FAR2: variants seen among roughly 807,000 people sequenced by gnomAD.
FAR2 encodes fatty acyl-CoA reductase 2.
Under a neutral mutation model 56.0 loss-of-function variants are expected in FAR2, and 19 were observed. The ratio of observed to expected loss-of-function variants is 0.34; its 90% CI spans 0.24 to 0.50. The LOEUF is 0.50. FAR2 is among the 20% of genes least tolerant of loss of function. The pLI is 0.98. For missense variants in FAR2, 508 were observed against 642.2 expected (o/e 0.79, Z 2.26); for synonymous variants, 219 against 218.8 (o/e 1.00, Z -0.01).
chr12:29,278,117 G>C (rs1948731246), intron 2 of FAR2, among the ~76,000 whole-genome samples: 1 of 151,634 alleles, frequency 6.6e-6, no homozygotes, highest in African/African-American at 2.4e-5. Flanking sequence ...TTTTTGTACA[G>C]ATGGGATCTC....
At chr12:29,259,731 T>C (rs1271772217) in intron 1 of FAR2, among the ~76,000 whole-genome samples, 3 of 152,332 alleles carry the variant, frequency 2.0e-5, no homozygotes, top group Admixed American at 2.0e-4. Context: ...AGCCTGTTCA[T>C]TGCTAACCCC....
intron 1 of FAR2, among the ~76,000 whole-genome samples, chr12:29,158,712 T>A (rs1408393026): frequency 1.3e-5 from 2 of 152,238 alleles, no homozygotes; most frequent in Admixed American, 6.5e-5. Flanking sequence ...TATCACACCA[T>A]CTTGTCTACA....
intron 1 of FAR2, among the ~76,000 whole-genome samples, chr12:29,219,191 C>T (rs1947657121): frequency 6.6e-6 from 1 of 152,028 alleles, no homozygotes; most frequent in Non-Finnish European, 1.5e-5. Context: ...GCCCAGCCCA[C>T]GTTAGAATTC....
intron 1 of FAR2, among the ~76,000 whole-genome samples, chr12:29,238,661 A>C (rs909052731): frequency 5.9e-5 from 9 of 152,196 alleles, no homozygotes; most frequent in Non-Finnish European, 1.3e-4. Flanking sequence ...TACATAAGTA[A>C]AAACCAACAT....
rs572052973 is a variant in FAR2 at position 29,271,006 on chromosome 12, T to C, written c.189+368T>C. Among the ~76,000 whole-genome samples the C allele has an allele frequency of 3.3e-5, 5 of 152,356 alleles. No individual in the cohort carries two copies. The South Asian group carries it at 1.0e-3, about 32-fold the overall frequency. ...ATTTCCTCCCCAAATTTTTTGGATATTCTTCTATTCTGTTCTATTCTATTG... is the reference window on the plus strand; with the variant it reads ...ATTTCCTCCCCAAATTTTTTGGATACTCTTCTATTCTGTTCTATTCTATTG... On this transcript the variant is annotated intron_variant, in intron 2 of 11. Coordinates refer to ENST00000536681, the MANE Select transcript of FAR2 (RefSeq NM_001271783.2).
At chr12:29,215,929 TCTC>T (rs1474990677) in intron 1 of FAR2, among the ~76,000 whole-genome samples, 2 of 152,074 alleles carry the variant, frequency 1.3e-5, no homozygotes, top group South Asian at 2.1e-4. Context: ...TATGAATCCT[TCTC>T]CTCCTAGGGT....
intron 1 of FAR2, among the ~76,000 whole-genome samples, chr12:29,248,396 G>A (rs1020780386): frequency 3.9e-5 from 6 of 152,066 alleles, no homozygotes; most frequent in South Asian, 4.1e-4. Flanking sequence ...GGTAGGTTCC[G>A]TGATGCCCCA....
intron 1 of FAR2, among the ~76,000 whole-genome samples, chr12:29,223,144 C>G (rs986015065): frequency 6.6e-6 from 1 of 152,148 alleles, no homozygotes; most frequent in Non-Finnish European, 1.5e-5. Context: ...TTACTAGCCC[C>G]ATCCCAGGAT....
chr12:29,189,074 T>C (rs1316551175), intron 1 of FAR2, among the ~76,000 whole-genome samples: 1 of 152,166 alleles, frequency 6.6e-6, no homozygotes, highest in Non-Finnish European at 1.5e-5. Flanking sequence ...TATTTTATGC[T>C]TTAGAAGCAG....
chr12:29,310,574 T>C (rs1219096922), intron 6 of FAR2, among the ~76,000 whole-genome samples: 3 of 152,194 alleles, frequency 2.0e-5, no homozygotes, highest in Non-Finnish European at 4.4e-5. Flanking sequence ...TTCTTAAACT[T>C]TTAGTGCCTA....
intron 1 of FAR2, among the ~76,000 whole-genome samples, chr12:29,196,156 C>T (rs1408474344): frequency 6.6e-6 from 1 of 152,098 alleles, no homozygotes. Flanking sequence ...TTGTGATAAA[C>T]ATACAAGTGC....
At chr12:29,165,698 G>A (rs995868237) in intron 1 of FAR2, among the ~76,000 whole-genome samples, 1 of 152,130 alleles carries the variant, frequency 6.6e-6, no homozygotes, top group Non-Finnish European at 1.5e-5. Context: ...AGAACAGAGT[G>A]TCTTTGTTAT....
At chr12:29,153,123 A>G (rs1949694323) in intron 1 of FAR2, among the ~76,000 whole-genome samples, 1 of 152,210 alleles carries the variant, frequency 6.6e-6, no homozygotes, top group South Asian at 2.1e-4. Flanking sequence ...TTGGTGTTGA[A>G]CAAAGCAGAT....
chr12:29,236,089 G>A (rs1198494758), intron 1 of FAR2, among the ~76,000 whole-genome samples: 1 of 151,934 alleles, frequency 6.6e-6, no homozygotes, highest in Admixed American at 6.6e-5. Flanking sequence ...AAGAGGTGAT[G>A]GAAATGCTAA....
Position 29,277,132 on chromosome 12 carries a change from C to T in FAR2, c.189+6494C>T, listed in dbSNP as rs536868601. Among the ~76,000 whole-genome samples the T allele has an allele frequency of 8.5e-5, 13 of 152,214 alleles. No homozygotes were observed. The South Asian group carries it at 2.1e-3, about 24-fold the overall frequency. On this transcript the variant is annotated intron_variant, in intron 2 of 11. Coordinates refer to ENST00000536681, the MANE Select transcript of FAR2 (RefSeq NM_001271783.2). ...AGCTGGGATTACAGGCATCTGCCAC[C>T]GCGCCTGGCTAATTTTTGTAGTTTT... is the stretch of plus-strand genomic sequence containing the variant.
At chr12:29,172,355 G>A (rs999215788) in intron 1 of FAR2, among the ~76,000 whole-genome samples, 11 of 152,114 alleles carry the variant, frequency 7.2e-5, no homozygotes, top group African/African-American at 1.7e-4. Flanking sequence ...TTGCATTTTC[G>A]ACATTAAAGT....
At chr12:29,273,788 A>C (rs1948659547) in intron 2 of FAR2, among the ~76,000 whole-genome samples, 1 of 152,198 alleles carries the variant, frequency 6.6e-6, no homozygotes, top group East Asian at 1.9e-4. Flanking sequence ...TGGGTTCCGG[A>C]GTGGGCTCTT....
At chr12:29,294,937 TTATC>T (rs1949033990) in intron 3 of FAR2, among the ~76,000 whole-genome samples, 1 of 152,212 alleles carries the variant, frequency 6.6e-6, no homozygotes, top group African/African-American at 2.4e-5. Context: ...TTTTTACTCT[TTATC>T]TGATATAAAG....
At chr12:29,170,749 CCTCTCTCTCT>C (rs57701261) in intron 1 of FAR2, among the ~76,000 whole-genome samples, 23 of 149,960 alleles carry the variant, frequency 1.5e-4, no homozygotes, top group East Asian at 7.9e-4. Flanking sequence ...TCTGTCTCTT[CCTCTCTCTCT>C]CTCTCTCTCT....
Sources: allele counts gnomAD v4.1 joint callset (sites outside exome capture counted in the v4.1 genomes callset), GRCh38; gene constraint gnomAD v4.1.1; transcripts MANE v1.5; gene names NCBI Gene and HGNC (gene_info 2026-07-23, HGNC 2026-07-21).